The following PBLD variants were observed in gnomAD, a reference collection of about 807,000 sequenced individuals.
PBLD encodes the protein phenazine biosynthesis like protein domain containing, also known as phenazine biosynthesis-like domain-containing protein.
PBLD carries 26 observed loss-of-function variants against 31.3 expected under a neutral mutation model. The ratio of observed to expected loss-of-function variants is 0.83; its 90% CI spans 0.61 to 1.15. PBLD has a LOEUF of 1.15. Ranked by LOEUF, PBLD falls within the 50% of genes most tolerant of loss-of-function variation. The pLI, the probability that PBLD is intolerant of heterozygous loss-of-function variation, is 0.00. For missense variants in PBLD, 307 were observed against 351.7 expected, an observed-to-expected ratio of 0.87 and a Z score of 1.02; for synonymous variants, 114 against 129.0, an observed-to-expected ratio of 0.88 and a Z score of 0.79.
rs934227905 is a variant in PBLD, at chr10:68,283,209, AT to A, written c.*967del. The stretch of plus-strand genomic sequence containing the variant: ...GAGATTACATTACTTTGAGTGTTTA[AT>A]TTCACTATGACAGGAAGTAGCCTAA... On this transcript the variant is annotated 3_prime_UTR_variant, in exon 10 of 10. Coordinates refer to ENST00000358769, the MANE Select transcript of PBLD (RefSeq NM_022129.4). The A allele has an allele frequency of 1.3e-5, 2 of 152,122 alleles. No homozygotes were observed. The highest frequency in any genetic ancestry group is 2.4e-5 in the African/African-American group (1 of 41,426). The allele number at this position is 152,122 out of a possible 1,614,324, so 9.4% of individuals were successfully genotyped here.
intron 8 of PBLD, among the ~76,000 whole-genome samples, chr10:68,286,082 A>ATT (rs1189723188): frequency 4.7e-5 from 3 of 63,666 alleles, no homozygotes; most frequent in Admixed American, 3.2e-4. Flanking sequence ...CCTTTGAATA[A>ATT]TTCTTTTTTT....
chr10:68,298,757 T>TACACACACACAC (rs57358655), intron 2 of PBLD, among the ~76,000 whole-genome samples: 2 of 147,172 alleles, frequency 1.4e-5, no homozygotes, highest in African/African-American at 5.1e-5. Context: ...TGCATACGAA[T>TACACACACACAC]ACACACACAC....
intron 1 of PBLD, among the ~76,000 whole-genome samples, chr10:68,322,506 A>T (rs949650157): frequency 5.1e-5 from 6 of 117,422 alleles, no homozygotes; most frequent in East Asian, 6.2e-4. Context: ...ACAAAAAATT[A>T]AAAAAAAAAA....
rs753219563 is a variant in PBLD at position 68,302,843 on chromosome 10, G to GA, written c.84+3917dup. Reference sequence around the variant, plus strand: ...GGGAGAAAGCAAGGTCCTGTCTCTGGAAAAAAAAAAAAAAATTAGAATTTA... The same window carrying GA: ...GGGAGAAAGCAAGGTCCTGTCTCTGGAAAAAAAAAAAAAAAATTAGAATTTA... On this transcript the variant is annotated intron_variant, in intron 2 of 9. Transcript: ENST00000358769. 3.9e-3 allele frequency among the ~76,000 whole-genome samples: 413 copies of GA among 105,858 alleles called. 1 individual carries two copies. Among genetic ancestry groups the GA allele is most frequent in the South Asian group, 6.6e-3 (21 of 3,196 alleles). 69.4% of individuals were successfully genotyped at this position (105,858 alleles called of 152,430 possible).
chr10:68,310,946 C>A lies in PBLD; in HGVS notation c.-59-4043G>T, dbSNP rs190476597. Among the ~76,000 whole-genome samples, 3 of 152,284 alleles carry A rather than the reference C, an allele frequency of 2.0e-5. No homozygotes were observed. In the East Asian group the frequency reaches 5.8e-4, roughly 29 times the overall value. ...AAACAATATAGCTTAGCCTAGCCTA[C>A]CTTACACATGCTCAGAACACTTACA... is the stretch of plus-strand genomic sequence containing the variant. On this transcript the variant is annotated intron_variant, in intron 1 of 9. Coordinates refer to ENST00000358769, the MANE Select transcript of PBLD (RefSeq NM_022129.4).
intron 9 of PBLD, 157 bp downstream of exon 9, chr10:68,285,191 G>A: frequency 1.4e-6 from 2 of 1,479,346 alleles, no homozygotes; most frequent in Non-Finnish European, 9.0e-7. Flanking sequence ...TGTTTGGGGT[G>A]GAGGATCTTT....
intron 1 of PBLD, among the ~76,000 whole-genome samples, chr10:68,311,733 C>T (rs150959870): frequency 0.032 from 3,934 of 121,428 alleles, 72 homozygotes; most frequent in Non-Finnish European, 0.044. Flanking sequence ...ACCTGGGTGG[C>T]AGAGCGAGAC....
At chr10:68,323,244 G>A (rs2044862592) in intron 1 of PBLD, among the ~76,000 whole-genome samples, 1 of 151,788 alleles carries the variant, frequency 6.6e-6, no homozygotes, top group African/African-American at 2.4e-5. Flanking sequence ...TGAAGCTCCA[G>A]CTGACATTTT....
intron 1 of PBLD, among the ~76,000 whole-genome samples, chr10:68,319,083 G>GAAAGA (rs1276043719): frequency 8.1e-6 from 1 of 124,030 alleles, no homozygotes; most frequent in Middle Eastern, 3.6e-3. Flanking sequence ...AAGAAAGAAA[G>GAAAGA]AAAGAAAGAA....
At chr10:68,284,960 C>G in intron 9 of PBLD, 1 of 995,178 alleles carries the variant, frequency 1.0e-6, no homozygotes, top group South Asian at 4.4e-5. Flanking sequence ...ATACATTAAT[C>G]ACTAGGGGAC....
chr10:68,305,523 G>A (rs982570300), intron 2 of PBLD, among the ~76,000 whole-genome samples: 9 of 151,962 alleles, frequency 5.9e-5, no homozygotes, highest in Non-Finnish European at 1.5e-5. Context: ...AGAGGCCAAG[G>A]CAGGTAGATC....
At chr10:68,287,406 A>C (rs1436956413) in intron 8 of PBLD, 1 of 152,156 alleles carries the variant, frequency 6.6e-6, no homozygotes, top group Non-Finnish European at 1.5e-5. Context: ...TTCCATGGGG[A>C]AGCTGCACTC....
chr10:68,306,638 A>C (rs1037723878), intron 2 of PBLD, 123 bp downstream of exon 2: 23 of 853,116 alleles, frequency 2.7e-5, no homozygotes, highest in Non-Finnish European at 4.2e-5. Flanking sequence ...CATTACTGAT[A>C]TGATGGCAAA....
Position 68,288,555 on chromosome 10 carries a change from G to A in PBLD, c.619C>T (p.Gln207Ter). 6.2e-7 allele frequency: 1 copy of A among 1,614,212 alleles called. No homozygotes were observed. The highest frequency in any genetic ancestry group is 8.5e-7 in the Non-Finnish European group (1 of 1,180,044). Residue 207 changes from glutamine to a stop codon, truncating the protein, a stop_gained, in exon 8 of 10, where the codon CAG (glutamine) becomes TAG (stop). Transcript: ENST00000358769. LOFTEE classifies it high-confidence loss of function. The stretch of plus-strand genomic sequence containing the variant: ...GAGTAAAAGTCAAATGCTTGGGTCT[G>A]CCCACCAGGCTCTCCTTTAAGGGTA... ...ILTLKGEPGG[Q>*]TQAFDFYSRY...
chr10:68,319,841 G>A (rs1403957239), intron 1 of PBLD, among the ~76,000 whole-genome samples: 1 of 100,704 alleles, frequency 9.9e-6, no homozygotes, highest in Admixed American at 1.0e-4. Context: ...TTTTTTTTTT[G>A]AGATGGAGTT....
At chr10:68,297,654 A>C (rs2044448062) in intron 2 of PBLD, among the ~76,000 whole-genome samples, 1 of 152,210 alleles carries the variant, frequency 6.6e-6, no homozygotes, top group Admixed American at 6.5e-5. Flanking sequence ...GGAGATCAGT[A>C]AACATTTGTT....
intron 1 of PBLD, among the ~76,000 whole-genome samples, chr10:68,330,265 T>C (rs2045005003): frequency 6.6e-6 from 1 of 152,068 alleles, no homozygotes; most frequent in Non-Finnish European, 1.5e-5. Context: ...AGCTTTGAAA[T>C]GAAGTTTCCA....
chr10:68,308,308 T>C (rs965789425), intron 1 of PBLD, among the ~76,000 whole-genome samples: 1 of 152,238 alleles, frequency 6.6e-6, no homozygotes, highest in Admixed American at 6.5e-5. Context: ...TTTTCACTTG[T>C]AAAGATAATG....
At chr10:68,286,085 C>CTTTTTTT (rs71009034) in intron 8 of PBLD, among the ~76,000 whole-genome samples, 2,692 of 103,328 alleles carry the variant, frequency 0.026, 35 homozygotes, top group Non-Finnish European at 0.034. Context: ...TTGAATAATT[C>CTTTTTTT]TTTTTTTTTT....
Sources: gnomAD v4.1 joint callset for allele counts (sites outside exome capture counted in the v4.1 genomes callset) on GRCh38, gnomAD v4.1.1 for gene constraint, MANE v1.5 for transcripts, NCBI Gene and HGNC (gene_info 2026-07-23, HGNC 2026-07-21) for gene names.